Variants in TRPC1 observed in about 807,000 individuals in gnomAD.
TRPC1 encodes transient receptor potential cation channel subfamily C member 1, also known as short transient receptor potential channel 1.
A neutral mutation model predicts 88.2 loss-of-function variants in TRPC1; 42 were observed. The ratio of observed to expected loss-of-function variants is 0.48; its 90% CI spans 0.37 to 0.62. The LOEUF is 0.62. Ranked by LOEUF, TRPC1 falls within the 20% of genes least tolerant of loss-of-function variation. TRPC1 has a pLI of 0.00. For missense variants in TRPC1, 699 were observed against 957.3 expected (o/e 0.73, Z 3.56); for synonymous variants, 288 against 331.8 (o/e 0.87, Z 1.43).
At chr3:142,782,481 A>C (rs929058514) in intron 6 of TRPC1, among the ~76,000 whole-genome samples, 4 of 152,194 alleles carry the variant, frequency 2.6e-5, no homozygotes, top group Non-Finnish European at 5.9e-5. Context: ...AGTGGCATAA[A>C]ACACTTCATA....
intron 4 of TRPC1, among the ~76,000 whole-genome samples, chr3:142,760,025 G>A (rs1935126317): frequency 1.3e-5 from 2 of 151,720 alleles, no homozygotes; most frequent in South Asian, 4.2e-4. Flanking sequence ...ATGGGGTTTC[G>A]CTGTGTTAGC....
chr3:142,802,420 T>C (rs1936650849), intron 10 of TRPC1, 76 bp downstream of exon 10: 1 of 1,053,872 alleles, frequency 9.5e-7, no homozygotes, highest in Non-Finnish European at 1.2e-6. Flanking sequence ...AATTAGTATC[T>C]ATAGAAATGG....
intron 5 of TRPC1, 84 bp downstream of exon 5, chr3:142,777,847 TATATTTAC>T: frequency 2.1e-6 from 3 of 1,400,418 alleles, no homozygotes; most frequent in Non-Finnish European, 2.9e-6. Context: ...ATAATTTGTA[TATATTTAC>T]ATTTGATCCA....
At chr3:142,791,382 C>G (rs1425256941) in intron 8 of TRPC1, among the ~76,000 whole-genome samples, 1 of 151,890 alleles carries the variant, frequency 6.6e-6, no homozygotes, top group Middle Eastern at 3.2e-3. Flanking sequence ...GACCATAGTT[C>G]ACATTTGGTA....
chr3:142,795,912 GC>G (rs1304154388), intron 9 of TRPC1, among the ~76,000 whole-genome samples: 1 of 151,976 alleles, frequency 6.6e-6, no homozygotes, highest in East Asian at 1.9e-4. Flanking sequence ...ACATGATTGG[GC>G]ATAAATCAGT....
chr3:142,806,584 C>T lies in TRPC1; in HGVS notation c.*349C>T, dbSNP rs1936801567. ...CCCAGAATGTTTTGTAAAATGAAGA[C>T]CAGCAAATGTAGGCTGATCTCCTTC... On this transcript the variant is annotated 3_prime_UTR_variant, in exon 13 of 13. Transcript: ENST00000476941. The T allele has an allele frequency of 5.9e-6, 1 of 168,676 alleles. No individual in the cohort carries two copies. Among genetic ancestry groups the T allele is most frequent in the South Asian group, 1.5e-4 (1 of 6,812 alleles). 10.4% of individuals were successfully genotyped at this position (168,676 alleles called of 1,614,324 possible).
chr3:142,784,691 A>G lies in TRPC1; in HGVS notation c.961-13A>G, dbSNP rs751373765. 6 of 1,597,944 alleles carry G rather than the reference A, an allele frequency of 3.8e-6. No homozygotes were observed. The East Asian group carries it at 1.1e-4, about 30-fold the overall frequency. On this transcript the variant is annotated splice_polypyrimidine_tract_variant and intron_variant, in intron 6 of 12. Transcript: ENST00000476941. ...CTTTTTTTCTTTTTAATGTGTGTGT[A>G]TGTCCTTTTCAGTTTGTCTCCCAGT... is the stretch of plus-strand genomic sequence containing the variant.
chr3:142,782,237 G>A (rs1935983889), intron 6 of TRPC1, among the ~76,000 whole-genome samples: 1 of 152,128 alleles, frequency 6.6e-6, no homozygotes, highest in African/African-American at 2.4e-5. Context: ...ACAGAGTGGA[G>A]TCCAAATGGA....
chr3:142,745,380 C>T (rs537753680), intron 3 of TRPC1, among the ~76,000 whole-genome samples: 1 of 152,224 alleles, frequency 6.6e-6, no homozygotes, highest in African/African-American at 2.4e-5. Context: ...GCAGCCCTCA[C>T]CTACTTAGTA....
In TRPC1 at chr3:142,792,712, C is replaced by T; in HGVS notation, c.1438-112C>T. Reference sequence around the variant, plus strand: ...CCCTATAAAACATAAGTGGAGATCCCCTATAAGAAGACAAAATTAAAATGG... The same window carrying T: ...CCCTATAAAACATAAGTGGAGATCCTCTATAAGAAGACAAAATTAAAATGG... On this transcript the variant is annotated intron_variant, in intron 8 of 12. Coordinates refer to ENST00000476941, the MANE Select transcript of TRPC1 (RefSeq NM_001251845.2). The surrounding 1 kb of genome is among the most constrained non-coding windows in gnomAD (Gnocchi z 4.0). 5 of 1,024,596 alleles carry T rather than the reference C, an allele frequency of 4.9e-6. No individual in the cohort carries two copies. Among genetic ancestry groups the T allele is most frequent in the Admixed American group, 3.1e-5 (1 of 32,690 alleles). The allele number at this position is 1,024,596 out of a possible 1,614,324, so 63.5% of individuals were successfully genotyped here.
rs1935419843 is a variant in TRPC1 at position 142,767,085 on chromosome 3, G to T, written c.633-10547G>T. Among the ~76,000 whole-genome samples, 2 of 152,092 alleles carry T rather than the reference G, an allele frequency of 1.3e-5. No homozygotes were observed. Among genetic ancestry groups the T allele is most frequent in the Non-Finnish European group, 2.9e-5 (2 of 68,018 alleles). On this transcript the variant is annotated intron_variant, in intron 4 of 12. Coordinates refer to ENST00000476941, the MANE Select transcript of TRPC1 (RefSeq NM_001251845.2). This position sits in a 1 kb window ranked among gnomAD's most constrained non-coding sequence, Gnocchi z 5.1. Reference sequence around the variant, plus strand: ...TTGAATTATCCAACCATTGAACATGGTATATCTCTCCATTTAATAGGTTTC... The same window carrying T: ...TTGAATTATCCAACCATTGAACATGTTATATCTCTCCATTTAATAGGTTTC...
intron 8 of TRPC1, among the ~76,000 whole-genome samples, chr3:142,791,632 A>C (rs886145818): frequency 4.6e-5 from 7 of 152,218 alleles, no homozygotes; most frequent in African/African-American, 1.4e-4. Context: ...GTATATACTT[A>C]AAATGAGAAC....
chr3:142,738,476 A>G (rs1934222162), intron 2 of TRPC1, among the ~76,000 whole-genome samples: 2 of 152,194 alleles, frequency 1.3e-5, no homozygotes, highest in Non-Finnish European at 2.9e-5. Flanking sequence ...ATATTTGACC[A>G]TTTTATATTG....
chr3:142,729,423 G>T (rs1386321573), intron 1 of TRPC1, among the ~76,000 whole-genome samples: 5 of 151,310 alleles, frequency 3.3e-5, no homozygotes, highest in African/African-American at 1.2e-4. Flanking sequence ...GCGAGGAGAA[G>T]TAAGGAAACA....
At chr3:142,748,226 T>G in intron 3 of TRPC1, 32 bp from the exon 4 acceptor site, 1 of 1,558,702 alleles carries the variant, frequency 6.4e-7, no homozygotes, top group Non-Finnish European at 8.8e-7. Context: ...TCACAAATAA[T>G]AACTTTGGAC....
Position 142,724,284 on chromosome 3 carries a change from C to T in TRPC1, c.-276C>T, listed in dbSNP as rs925264885. The T allele has an allele frequency of 3.5e-5, 7 of 198,096 alleles. No individual in the cohort carries two copies. The highest frequency in any genetic ancestry group is 1.2e-4 in the East Asian group (1 of 8,520). The allele number at this position is 198,096 out of a possible 1,614,324, so 12.3% of individuals were successfully genotyped here. A position where few individuals can be genotyped will look rare whatever the true frequency, so the allele number is the denominator to read the frequency against. On this transcript the variant is annotated 5_prime_UTR_variant, in exon 1 of 13. Transcript: ENST00000476941. The surrounding 1 kb of genome is among the most constrained non-coding windows in gnomAD (Gnocchi z 5.6). ...CGCCACACTGTCGTCCCCGGACGGG[C>T]GCGGACCGGCTCGGCCGGGGCGCCG...
intron 4 of TRPC1, among the ~76,000 whole-genome samples, chr3:142,765,325 T>G (rs997273103): frequency 2.0e-5 from 3 of 152,132 alleles, no homozygotes; most frequent in African/African-American, 7.2e-5. Context: ...AAAACTATTT[T>G]AAAATTCATA....
At chr3:142,762,066 C>T (rs187991560) in intron 4 of TRPC1, among the ~76,000 whole-genome samples, 5 of 152,156 alleles carry the variant, frequency 3.3e-5, no homozygotes, top group Admixed American at 2.6e-4. Flanking sequence ...GACAGAGTCT[C>T]ACTCTGTCAC....
intron 4 of TRPC1, among the ~76,000 whole-genome samples, chr3:142,773,202 C>T (rs1455177055): frequency 3.9e-5 from 6 of 152,032 alleles, no homozygotes; most frequent in Non-Finnish European, 8.8e-5. Flanking sequence ...CTTTTTAATT[C>T]CATAATTTCC....
Sources: allele counts gnomAD v4.1 joint callset (sites outside exome capture counted in the v4.1 genomes callset), GRCh38; gene constraint gnomAD v4.1.1; non-coding constraint Gnocchi (gnomAD v3.1); transcripts MANE v1.5; gene names NCBI Gene and HGNC (gene_info 2026-07-23, HGNC 2026-07-21).